Variants in FMN2 observed in about 807,000 individuals in gnomAD.
FMN2 encodes the protein formin 2, also known as formin-2.
FMN2 carries 51 observed loss-of-function variants against 142.3 expected under a neutral mutation model. The ratio of observed to expected loss-of-function variants is 0.36; its 90% confidence interval spans 0.29 to 0.45. The LOEUF (loss-of-function observed/expected upper bound fraction) is 0.45, where lower values mean the gene tolerates loss of function less well. FMN2 is among the 20% of genes least tolerant of loss of function. The pLI is 1.00. For synonymous variants in FMN2, 882 were observed against 869.8 expected, an observed-to-expected ratio of 1.01 and a Z score of -0.25; for missense variants, 1,936 against 2,122.8, an observed-to-expected ratio of 0.91 and a Z score of 1.73.
In FMN2 at chr1:240,093,262, G is replaced by A. The variant is rs1266239701; in HGVS notation, c.1153G>A (p.Glu385Lys). 1 of 1,591,762 alleles carries A rather than the reference G, an allele frequency of 6.3e-7. No homozygotes were observed. The highest frequency in any genetic ancestry group is 8.5e-7 in the Non-Finnish European group (1 of 1,169,600). Reference protein sequence around the residue: ...PQRLGEEPEEEAQGPDAPAAA... With the variant: ...PQRLGEEPEEKAQGPDAPAAA... ...GAGGCTGGGGGAAGAGCCGGAGGAG[G>A]AGGCGCAAGGACCTGACGCCCCCGC... The change falls in exon 1 of 18, where the codon GAG (glutamate) becomes AAG (lysine). Residue 385 changes from glutamate (E) to lysine (K), a missense_variant. Transcript: ENST00000319653.
At chr1:240,313,456 T>C (rs1051195675) in intron 8 of FMN2, among the ~76,000 whole-genome samples, 9 of 152,158 alleles carry the variant, frequency 5.9e-5, no homozygotes, top group African/African-American at 1.9e-4. Context: ...CCAGAAGATA[T>C]AAGGAAGTAC....
chr1:240,096,043 G>A (rs1449596410), intron 1 of FMN2, among the ~76,000 whole-genome samples: 1 of 152,162 alleles, frequency 6.6e-6, no homozygotes, highest in African/African-American at 2.4e-5. Context: ...AGGAAAAGAG[G>A]ATCAGTAGGT....
At chr1:240,327,465 G>C (rs10802862) in intron 8 of FMN2, among the ~76,000 whole-genome samples, 29,882 of 152,092 alleles carry the variant, frequency 0.2, 3,030 homozygotes, top group East Asian at 0.27. Flanking sequence ...TTCTATAGCA[G>C]TTCTCGGCTG....
At chr1:240,347,101 G>A (rs6429201) in intron 13 of FMN2, among the ~76,000 whole-genome samples, 2,532 of 152,256 alleles carry the variant, frequency 0.017, 88 homozygotes, top group African/African-American at 0.058. Context: ...TACTATTTCT[G>A]TGTGAAGTTG....
chr1:240,104,574 A>C (rs895605423), intron 1 of FMN2, among the ~76,000 whole-genome samples: 1 of 152,178 alleles, frequency 6.6e-6, no homozygotes, highest in African/African-American at 2.4e-5. Flanking sequence ...TCTTTGAATT[A>C]GTCTGCATTT....
chr1:240,471,177 T>G (rs1474390084), intron 16 of FMN2, among the ~76,000 whole-genome samples: 1 of 152,176 alleles, frequency 6.6e-6, no homozygotes, highest in Non-Finnish European at 1.5e-5. Flanking sequence ...CAAGAAATAC[T>G]AGAAACATTA....
At chr1:240,146,314 A>G (rs1304239345) in intron 2 of FMN2, among the ~76,000 whole-genome samples, 2 of 150,760 alleles carry the variant, frequency 1.3e-5, no homozygotes, top group Non-Finnish European at 2.9e-5. Flanking sequence ...GAATTGCTTG[A>G]ACCCAGGAGG....
At chr1:240,234,595 A>T (rs1667635633) in intron 6 of FMN2, among the ~76,000 whole-genome samples, 1 of 152,194 alleles carries the variant, frequency 6.6e-6, no homozygotes, top group Non-Finnish European at 1.5e-5. Flanking sequence ...CAATAACCAC[A>T]TGATTTCTGC....
intron 2 of FMN2, among the ~76,000 whole-genome samples, chr1:240,159,905 G>GTGTATATA (rs1381747124): frequency 3.3e-5 from 4 of 120,094 alleles, no homozygotes; most frequent in African/African-American, 1.2e-4. Flanking sequence ...ATATATCTGT[G>GTGTATATA]TATATATATA....
intron 6 of FMN2, among the ~76,000 whole-genome samples, chr1:240,256,222 T>C (rs566042965): frequency 6.6e-6 from 1 of 151,868 alleles, no homozygotes; most frequent in Admixed American, 6.5e-5. Flanking sequence ...GCTTCTCTGA[T>C]ATTAAATTCC....
chr1:240,426,175 G>T (rs1380210983), intron 15 of FMN2, among the ~76,000 whole-genome samples: 2 of 151,812 alleles, frequency 1.3e-5, no homozygotes, highest in African/African-American at 4.9e-5. Flanking sequence ...CACCTCTTTT[G>T]GTTGTAATAA....
chr1:240,258,204 A>G (rs1001450093), intron 7 of FMN2, among the ~76,000 whole-genome samples, 172 bp downstream of exon 7: 1 of 152,208 alleles, frequency 6.6e-6, no homozygotes, highest in African/African-American at 2.4e-5. Context: ...AAGGATTACT[A>G]TTAATTTGCC....
chr1:240,300,161 G>A (rs930131433), intron 8 of FMN2, among the ~76,000 whole-genome samples: 1 of 152,114 alleles, frequency 6.6e-6, no homozygotes, highest in South Asian at 2.1e-4. Context: ...AAACCAATAT[G>A]GTTGCTATTA....
chr1:240,336,582 A>AAAAG lies in FMN2; in HGVS notation c.4765+2353_4765+2354insAAAG, dbSNP rs144682452. On this transcript the variant is annotated intron_variant, in intron 13 of 17. Transcript: ENST00000319653. ...AAAAAAAAAAAAAAAAAAAAAAAAA[A>AAAAG]GGTGGTTGCAATTGTTTTCCCATTT... Among the ~76,000 whole-genome samples the AAAAG allele has an allele frequency of 7.9e-3, 802 of 101,836 alleles. 194 individuals are homozygous for AAAAG. Among genetic ancestry groups the AAAAG allele is most frequent in the East Asian group, 0.041 (104 of 2,566 alleles). The allele number at this position is 101,836 out of a possible 152,430, so 66.8% of individuals were successfully genotyped here.
chr1:240,353,707 CATCTA>C (rs1672171728), intron 13 of FMN2, among the ~76,000 whole-genome samples: 1 of 152,152 alleles, frequency 6.6e-6, no homozygotes, highest in Non-Finnish European at 1.5e-5. Context: ...GCATATTAAT[CATCTA>C]CTTCAAAGGG....
chr1:240,321,813 T>TA (rs138181886), intron 8 of FMN2, among the ~76,000 whole-genome samples: 1,669 of 152,252 alleles, frequency 0.011, 31 homozygotes, highest in African/African-American at 0.037. Flanking sequence ...TCCTCTAATT[T>TA]AAAGAAAAAA....
At chr1:240,166,364 A>G (rs1290261675) in intron 2 of FMN2, among the ~76,000 whole-genome samples, 7 of 151,670 alleles carry the variant, frequency 4.6e-5, no homozygotes, top group Non-Finnish European at 1.0e-4. Flanking sequence ...CGAGTAAGTG[A>G]GATTGCAGGT....
chr1:240,196,444 C>G (rs1665911844), intron 4 of FMN2, among the ~76,000 whole-genome samples: 1 of 152,154 alleles, frequency 6.6e-6, no homozygotes, highest in African/African-American at 2.4e-5. Context: ...GATTCTCAGG[C>G]CCTACCCAGA....
intron 15 of FMN2, among the ~76,000 whole-genome samples, chr1:240,393,963 C>T (rs911013426): frequency 6.6e-6 from 1 of 152,002 alleles, no homozygotes; most frequent in East Asian, 2.0e-4. Flanking sequence ...GCAGCCGAGG[C>T]GATGGGAGCT....
Sources: allele counts gnomAD v4.1 joint callset (sites outside exome capture counted in the v4.1 genomes callset), GRCh38; gene constraint gnomAD v4.1.1; transcripts MANE v1.5; gene names NCBI Gene and HGNC (gene_info 2026-07-23, HGNC 2026-07-21).